SYNE1: variants seen among roughly 807,000 people sequenced by gnomAD.
The protein encoded by SYNE1 is spectrin repeat containing nuclear envelope protein 1.
In SYNE1, 616 loss-of-function variants were observed where a neutral mutation model predicts 1,111.0. The observed-to-expected ratio is 0.55, with a 90% CI of 0.52 to 0.59. SYNE1 has a LOEUF of 0.59. Among genes scored for constraint, SYNE1 ranks in the 20% least tolerant of loss-of-function variants. SYNE1 has a pLI of 0.00. For synonymous variants in SYNE1, 3,855 were observed against 3,825.8 expected (o/e 1.01, Z -0.28); for missense variants, 10,006 against 10,417.0 (o/e 0.96, Z 1.72).
At chr6:152,231,350 G>A (rs760266299) in intron 114 of SYNE1, 41 bp downstream of exon 114, 11 of 1,610,660 alleles carry the variant, frequency 6.8e-6, no homozygotes, top group African/African-American at 2.7e-5. Context: ...TGTTCTTGGG[G>A]TTTTCATGTA....
intron 67 of SYNE1, 66 bp from the exon 68 acceptor site, chr6:152,353,810 C>G: frequency 6.3e-7 from 1 of 1,592,574 alleles, no homozygotes; most frequent in Non-Finnish European, 8.6e-7. Flanking sequence ...AAATGTATAT[C>G]TTCTTATAGG....
intron 98 of SYNE1, among the ~76,000 whole-genome samples, chr6:152,273,641 T>TAA (rs1391375214): frequency 6.6e-6 from 1 of 152,230 alleles, no homozygotes; most frequent in Non-Finnish European, 1.5e-5. Context: ...ATTTTAGATT[T>TAA]AAATGTCAAC....
At chr6:152,544,385 T>A (rs1025117177) in intron 3 of SYNE1, among the ~76,000 whole-genome samples, 2 of 152,126 alleles carry the variant, frequency 1.3e-5, no homozygotes, top group African/African-American at 2.4e-5. Flanking sequence ...ACAGAGGAGT[T>A]CCAAATACTC....
In SYNE1 at chr6:152,372,199, A is replaced by T. The variant is rs1054752292; in HGVS notation, c.9507+838T>A. Among the ~76,000 whole-genome samples the T allele has an allele frequency of 2.6e-5, 4 of 152,192 alleles. No individual in the cohort carries two copies. The East Asian group carries it at 7.7e-4, about 29-fold the overall frequency. On this transcript the variant is annotated intron_variant, in intron 59 of 145. Transcript: ENST00000367255. ...TAACGATCCCTGAAGGATTAAAGAA[A>T]CATTTCTAGGCACAATGGTTATCAC...
At chr6:152,314,949 G>A (rs1335908455) in intron 87 of SYNE1, among the ~76,000 whole-genome samples, 1 of 134,298 alleles carries the variant, frequency 7.4e-6, no homozygotes, top group African/African-American at 2.7e-5. Context: ...CTGAGATCAC[G>A]CCACTGAGCT....
Position 152,463,468 on chromosome 6 carries a change from T to A in SYNE1, c.1982A>T (p.Asn661Ile). 2 of 1,613,700 alleles carry A rather than the reference T, an allele frequency of 1.2e-6. No homozygotes were observed. Among genetic ancestry groups the A allele is most frequent in the Non-Finnish European group, 1.7e-6 (2 of 1,179,736 alleles). Residue 661 changes from asparagine to isoleucine, a missense_variant, in exon 19 of 146, where the codon AAC becomes ATC. By Grantham distance (149) the Asn-to-Ile change is moderately radical (BLOSUM62 -3). This residue lies in a region of SYNE1 where 1,971 missense variants were observed against 2,084.1 expected (regional missense o/e 0.95). Transcript: ENST00000367255. ...TTCAATTAGAAAATTGCCAGCATCG[T>A]TCATGGCAGTATGCTGCTGAATCCA... The part of the protein sequence containing the change: ...PHWIQQHTAM[N>I]DAGNFLIETC...
chr6:152,297,812 TGTGTGTGTGTGC>T (rs762887522), intron 93 of SYNE1, among the ~76,000 whole-genome samples: 3,228 of 118,304 alleles, frequency 0.027, 98 homozygotes, highest in African/African-American at 0.082. Flanking sequence ...TGTGTGTGTG[TGTGTGTGTGTGC>T]GCGCGCACGT....
chr6:152,429,278 T>A (rs1219429020), intron 36 of SYNE1, among the ~76,000 whole-genome samples: 7 of 152,196 alleles, frequency 4.6e-5, no homozygotes, highest in Non-Finnish European at 5.9e-5. Context: ...CTTTAGGAAA[T>A]CTAAATATCG....
At position 152,361,993 on chromosome 6, in the gene SYNE1, A is replaced by G. The variant is rs1462191567; in HGVS notation, c.10299+177T>C. Among the ~76,000 whole-genome samples, 2 of 152,210 alleles carry G rather than the reference A, an allele frequency of 1.3e-5. 1 individual carries two copies. The highest frequency in any genetic ancestry group is 3.8e-4 in the East Asian group (2 of 5,198). ...GAAGGAAAAATTTTCACTCACTAAT[A>G]AAGTAATCACAAATGAAAGTCCAGT... is the stretch of plus-strand genomic sequence containing the variant. On this transcript the variant is annotated intron_variant, in intron 64 of 145. Transcript: ENST00000367255.
chr6:152,494,747 A>G (rs921550803), intron 11 of SYNE1, among the ~76,000 whole-genome samples: 2 of 152,204 alleles, frequency 1.3e-5, no homozygotes, highest in African/African-American at 2.4e-5. Flanking sequence ...CTCTTTAATA[A>G]AAACTCTTCT....
chr6:152,520,663 G>T (rs550703989), intron 5 of SYNE1, 121 bp from the exon 6 acceptor site: 2 of 1,101,152 alleles, frequency 1.8e-6, no homozygotes, highest in South Asian at 1.3e-5. Context: ...AACCAACATT[G>T]TTCACTTTCT....
chr6:152,208,375 T>C (rs1228798142), intron 124 of SYNE1, among the ~76,000 whole-genome samples, 169 bp from the exon 125 acceptor site: 2 of 152,198 alleles, frequency 1.3e-5, no homozygotes, highest in Non-Finnish European at 2.9e-5. Flanking sequence ...TCTATTGCAA[T>C]TAATTTTTAA....
At chr6:152,144,025 G>C in intron 137 of SYNE1, 1 of 493,790 alleles carries the variant, frequency 2.0e-6, no homozygotes, top group South Asian at 2.0e-5. Context: ...GAACAGCTTC[G>C]TGCACCTGAC....
rs1318062510 is a variant in SYNE1 at position 152,145,366 on chromosome 6, G to C, written c.24977-1601C>G. The C allele has an allele frequency of 3.3e-6, 3 of 906,934 alleles. No individual in the cohort carries two copies. The South Asian group carries it at 4.2e-5, about 13-fold the overall frequency. 56.2% of individuals were successfully genotyped at this position (906,934 alleles called of 1,614,324 possible). ...TTTTTTCTAGTACAGCAGTAAGAGA[G>C]GAAGGCTGTGCCTTAACATGCTAGA... On this transcript the variant is annotated intron_variant, in intron 137 of 145. Coordinates refer to ENST00000367255, the MANE Select transcript of SYNE1 (RefSeq NM_182961.4).
Position 152,447,585 on chromosome 6 carries a change from AG to A in SYNE1, c.3541del (p.Leu1181SerfsTer4). 1 of 1,614,222 alleles carries A rather than the reference AG, an allele frequency of 6.2e-7. No individual in the cohort carries two copies. Among genetic ancestry groups the A allele is most frequent in the East Asian group, 2.2e-5 (1 of 44,886 alleles). ...TTTCAGCCTGGATTTCAGCCAGCTG[AG>A]GGTCTCACCCCTTTTGGTAACACCA... ...RNGVTKRGET[L>X]SWLKSRLKVL... On this transcript the variant is annotated frameshift_variant, in exon 29 of 146. Coordinates refer to ENST00000367255, the MANE Select transcript of SYNE1 (RefSeq NM_182961.4). LOFTEE classifies it high-confidence loss of function.
intron 3 of SYNE1, among the ~76,000 whole-genome samples, chr6:152,605,322 A>G (rs896398508): frequency 3.3e-5 from 5 of 152,172 alleles, no homozygotes; most frequent in African/African-American, 1.2e-4. Context: ...ACGTTAAATT[A>G]TTAAATAGCT....
Position 152,398,792 on chromosome 6 carries a change from A to G in SYNE1, c.7238-61T>C. ...AATCAGAAGCAAATCCAAAACATTG[A>G]ATGGGCTCCCAGGATTACCACATGA... On this transcript the variant is annotated intron_variant, in intron 48 of 145. Transcript: ENST00000367255. 3 of 1,295,646 alleles carry G rather than the reference A, an allele frequency of 2.3e-6. No individual in the cohort carries two copies. The South Asian group carries it at 3.7e-5, about 16-fold the overall frequency. The allele number at this position is 1,295,646 out of a possible 1,614,324, so 80.3% of individuals were successfully genotyped here. A position where few individuals can be genotyped will look rare whatever the true frequency, so the allele number is the denominator to read the frequency against.
rs75557874 is a variant in SYNE1 at position 152,460,021 on chromosome 6, T to A, written c.2395-1091A>T. On this transcript the variant is annotated intron_variant, in intron 21 of 145. Transcript: ENST00000367255. ...CTTGAACAAAACCAAGAGAGTCTAC[T>A]AATGTGTATACAAATCAGTGTGTTT... 1.7e-3 allele frequency among the ~76,000 whole-genome samples: 261 copies of A among 152,332 alleles called. 2 individuals are homozygous for A. The highest frequency in any genetic ancestry group is 3.4e-3 in the Middle Eastern group (1 of 294).
intron 104 of SYNE1, among the ~76,000 whole-genome samples, chr6:152,251,559 C>T (rs1014744312): frequency 1.3e-5 from 2 of 151,346 alleles, no homozygotes; most frequent in African/African-American, 4.8e-5. Flanking sequence ...GAGATCGAGA[C>T]CATCCCGGCT....
Sources: gnomAD v4.1 joint callset for allele counts (sites outside exome capture counted in the v4.1 genomes callset) on GRCh38, gnomAD v4.1.1 for gene constraint, gnomAD v4.1.1 regional missense constraint, MANE v1.5 for transcripts, NCBI Gene and HGNC (gene_info 2026-07-23, HGNC 2026-07-21) for gene names.